The following CCDC30 variants were observed in gnomAD, a reference collection of about 807,000 sequenced individuals.
CCDC30 encodes coiled-coil domain containing 30.
Under a neutral mutation model 100.2 loss-of-function variants are expected in CCDC30, and 70 were observed. That is an observed-to-expected ratio of 0.70 (90% confidence interval 0.58 to 0.85). The LOEUF (loss-of-function observed/expected upper bound fraction) is 0.85, where lower values mean the gene tolerates loss of function less well. CCDC30 is among the 40% of genes least tolerant of loss of function. CCDC30 has a pLI of 0.00. For missense variants in CCDC30, 652 were observed against 771.2 expected (o/e 0.85, Z 1.83); for synonymous variants, 233 against 269.5 (o/e 0.86, Z 1.33).
At chr1:42,608,255 G>C (rs1413253114) in intron 10 of CCDC30, among the ~76,000 whole-genome samples, 2 of 152,220 alleles carry the variant, frequency 1.3e-5, no homozygotes, top group Non-Finnish European at 2.9e-5. Context: ...GTCAACTATG[G>C]AAGAGAACCC....
At chr1:42,546,095 C>T (rs1053189171) in intron 6 of CCDC30, among the ~76,000 whole-genome samples, 15 of 151,498 alleles carry the variant, frequency 9.9e-5, no homozygotes, top group African/African-American at 2.4e-4. Context: ...CGAATGTATG[C>T]GGCCTGTTAC....
At chr1:42,590,656 G>A (rs185336188) in intron 10 of CCDC30, 1 of 152,098 alleles carries the variant, frequency 6.6e-6, no homozygotes, top group East Asian at 1.9e-4. Flanking sequence ...AAGATCACTT[G>A]AGCTGGGAGG....
intron 6 of CCDC30, among the ~76,000 whole-genome samples, chr1:42,501,346 C>T (rs1436266018): frequency 1.3e-5 from 2 of 152,182 alleles, no homozygotes; most frequent in Non-Finnish European, 2.9e-5. Flanking sequence ...CACTTCTGGT[C>T]TCTGTATTCC....
At chr1:42,533,394 G>A (rs868672698) in intron 6 of CCDC30, among the ~76,000 whole-genome samples, 4 of 152,300 alleles carry the variant, frequency 2.6e-5, no homozygotes, top group Middle Eastern at 6.8e-3. Flanking sequence ...AATTAGGTTG[G>A]TTGAAGAGAA....
intron 6 of CCDC30, among the ~76,000 whole-genome samples, chr1:42,505,691 G>T (rs1644383963): frequency 6.6e-6 from 1 of 152,194 alleles, no homozygotes; most frequent in South Asian, 2.1e-4. Context: ...GCCAAGTCCA[G>T]CCATGGGTTT....
chr1:42,516,411 G>T (rs1280322107), intron 6 of CCDC30, among the ~76,000 whole-genome samples: 1 of 151,942 alleles, frequency 6.6e-6, no homozygotes, highest in Non-Finnish European at 1.5e-5. Context: ...CTGTGGAGGT[G>T]AGTCTTGCTC....
intron 15 of CCDC30, among the ~76,000 whole-genome samples, chr1:42,649,060 T>G (rs915880563): frequency 2.0e-5 from 3 of 152,042 alleles, no homozygotes; most frequent in African/African-American, 7.2e-5. Flanking sequence ...TAATAAAAAG[T>G]CTTCCATCAA....
At chr1:42,536,964 T>C in intron 6 of CCDC30, 1 of 354,546 alleles carries the variant, frequency 2.8e-6, no homozygotes, top group Non-Finnish European at 5.4e-6. Context: ...TCATTTGACC[T>C]TTATCACCTC....
At chr1:42,575,224 C>G (rs1007306631) in intron 7 of CCDC30, among the ~76,000 whole-genome samples, 1 of 152,062 alleles carries the variant, frequency 6.6e-6, no homozygotes, top group Admixed American at 6.6e-5. Flanking sequence ...ATGAGCCTTC[C>G]CTGCCCAGTG....
At chr1:42,500,369 G>T in intron 6 of CCDC30, 1 of 1,442,972 alleles carries the variant, frequency 6.9e-7, no homozygotes, top group African/African-American at 1.4e-5. Context: ...AGTGAGGTGC[G>T]TGAGAACGAG....
intron 10 of CCDC30, among the ~76,000 whole-genome samples, chr1:42,610,407 ATTTTTTG>A (rs1359479790): frequency 1.2e-4 from 18 of 151,790 alleles, no homozygotes; most frequent in African/African-American, 3.4e-4. Flanking sequence ...AAGCTGGGAG[ATTTTTTG>A]TTTTTTTGTT....
chr1:42,472,420 G>T (rs945019916), intron 1 of CCDC30, among the ~76,000 whole-genome samples: 3 of 152,156 alleles, frequency 2.0e-5, no homozygotes, highest in Admixed American at 1.3e-4. Context: ...TTGCAGAAAA[G>T]AACTGAATTA....
At chr1:42,557,966 C>G (rs542183141) in intron 6 of CCDC30, among the ~76,000 whole-genome samples, 1 of 152,026 alleles carries the variant, frequency 6.6e-6, no homozygotes, top group Non-Finnish European at 1.5e-5. Flanking sequence ...ACTTACCTTG[C>G]TCTTTTTTGT....
the CCDC30 span, chr1:42,456,551 G>T: frequency 1.9e-5 from 27 of 1,454,750 alleles, no homozygotes; most frequent in Non-Finnish European, 2.4e-5. Context: ...GCAGGCGCCG[G>T]CCGCTGCGCT....
chr1:42,631,160 C>G (rs1647030727), intron 11 of CCDC30, among the ~76,000 whole-genome samples: 1 of 152,172 alleles, frequency 6.6e-6, no homozygotes, highest in Non-Finnish European at 1.5e-5. Flanking sequence ...CATCTAAGCT[C>G]TACCTGCTTT....
intron 10 of CCDC30, among the ~76,000 whole-genome samples, chr1:42,608,716 C>CAAAAAAAA (rs3044834): frequency 5.4e-5 from 3 of 55,412 alleles, no homozygotes; most frequent in Non-Finnish European, 6.4e-5. Flanking sequence ...CTCTCTGTCT[C>CAAAAAAAA]AAAAAAAAAA....
At chr1:42,646,397 C>T (rs1310895264) in intron 15 of CCDC30, 80 bp downstream of exon 19, 2 of 1,319,688 alleles carry the variant, frequency 1.5e-6, no homozygotes, top group South Asian at 2.5e-5. Flanking sequence ...AATCTCTCAA[C>T]TTATGGTTTC....
chr1:42,457,562 G>C, the CCDC30 span: 1 of 587,108 alleles, frequency 1.7e-6, no homozygotes, highest in African/African-American at 1.9e-5. Flanking sequence ...AAATGCTCTA[G>C]TGGAGGTATG....
At chr1:42,522,708 A>G (rs952828798) in intron 6 of CCDC30, among the ~76,000 whole-genome samples, 5 of 152,216 alleles carry the variant, frequency 3.3e-5, no homozygotes, top group African/African-American at 1.2e-4. Context: ...TAAACTAACA[A>G]CTAAAAAATA....
Sources: allele counts gnomAD v4.1 joint callset (sites outside exome capture counted in the v4.1 genomes callset), GRCh38; gene constraint gnomAD v4.1.1; transcripts MANE v1.5; gene names NCBI Gene and HGNC (gene_info 2026-07-23, HGNC 2026-07-21).